Variants in DGKD observed in about 807,000 individuals in gnomAD.
DGKD encodes diacylglycerol kinase delta, also known as DAG kinase delta.
Under a neutral mutation model 154.4 loss-of-function variants are expected in DGKD, and 68 were observed. The ratio of observed to expected loss-of-function variants is 0.44; its 90% CI spans 0.36 to 0.54. The LOEUF (loss-of-function observed/expected upper bound fraction) is 0.54. DGKD is among the 20% of genes least tolerant of loss of function. The probability of loss-of-function intolerance (pLI) is 0.00; values close to 1 mark genes in which losing one functional copy is unlikely to be tolerated. For synonymous variants in DGKD, 693 were observed against 638.0 expected (o/e 1.09, Z -1.30); for missense variants, 1,343 against 1,593.6 (o/e 0.84, Z 2.68).
intron 1 of DGKD, among the ~76,000 whole-genome samples, chr2:233,374,996 G>C (rs985463528): frequency 2.9e-4 from 44 of 152,118 alleles, no homozygotes; most frequent in African/African-American, 1.0e-3. Context: ...TTACACACTT[G>C]AAAACAGATG....
chr2:233,464,716 C>G (rs1292251911), intron 27 of DGKD, among the ~76,000 whole-genome samples: 1 of 152,234 alleles, frequency 6.6e-6, no homozygotes, highest in Non-Finnish European at 1.5e-5. Context: ...CAGAAAGACT[C>G]CAGCTCGTCG....
intron 1 of DGKD, among the ~76,000 whole-genome samples, chr2:233,367,553 A>G (rs1411540264): frequency 6.6e-6 from 1 of 151,854 alleles, no homozygotes; most frequent in Non-Finnish European, 1.5e-5. Context: ...TAATGGCAAA[A>G]ACCTCCATTA....
intron 2 of DGKD, chr2:233,388,571 T>G (rs1377385310): frequency 2.1e-6 from 1 of 478,982 alleles, no homozygotes; most frequent in African/African-American, 2.0e-5. Context: ...TTCTGTTCAT[T>G]TTCCTTTTCT....
rs1448291715 is a variant in DGKD at position 233,445,582 on chromosome 2, C to G, written c.1195-41C>G. On this transcript the variant is annotated intron_variant, in intron 10 of 29. Transcript: ENST00000264057. This position sits in a 1 kb window ranked among gnomAD's most constrained non-coding sequence, Gnocchi z 5.5. ...TGCGGGCTGGGAAGTGGCCCCTGCC[C>G]CCAGGTGTTTGCCTGCGCATCGTCC... is the stretch of plus-strand genomic sequence containing the variant. The G allele has an allele frequency of 1.9e-6, 3 of 1,557,840 alleles. No individual in the cohort carries two copies. The highest frequency in any genetic ancestry group is 1.2e-5 in the South Asian group (1 of 81,928).
chr2:233,402,427 G>A (rs2061582925), intron 3 of DGKD, among the ~76,000 whole-genome samples: 1 of 152,214 alleles, frequency 6.6e-6, no homozygotes, highest in African/African-American at 2.4e-5. Context: ...CAAGGCCATG[G>A]AGTGTCTTGG....
chr2:233,462,694 C>A lies in DGKD; in HGVS notation c.3145C>A (p.Arg1049Ser), dbSNP rs567484190. 2 of 1,614,092 alleles carry A rather than the reference C, an allele frequency of 1.2e-6. No homozygotes were observed. Among genetic ancestry groups the A allele is most frequent in the South Asian group, 2.2e-5 (2 of 91,090 alleles). The change falls in exon 26 of 30, where the codon CGC (arginine) becomes AGC (serine). Residue 1049 changes from arginine to serine, a missense_variant. This residue lies in a region of DGKD where 429 missense variants were observed against 496.3 expected (regional missense o/e 0.86). Coordinates refer to ENST00000264057, the MANE Select transcript of DGKD (RefSeq NM_152879.3). ...LEMVNNFRALRSETELLLSGK... is the reference protein window; with the variant it reads ...LEMVNNFRALSSETELLLSGK... ...AATGGTGAATAACTTCAGAGCTCTG[C>A]GCAGTGAGACGGAGCTGCTGCTGTC...
At chr2:233,356,458 C>G (rs1701538619) in intron 1 of DGKD, among the ~76,000 whole-genome samples, 1 of 152,162 alleles carries the variant, frequency 6.6e-6, no homozygotes, top group Non-Finnish European at 1.5e-5. Flanking sequence ...GAGTTGCTTT[C>G]TCCTGTTGCC....
In DGKD at chr2:233,452,175, CT is replaced by C. The variant is rs1313759166; in HGVS notation, c.2264+116del. The C allele has an allele frequency of 1.0e-6, 1 of 977,946 alleles. No individual in the cohort carries two copies. Among genetic ancestry groups the C allele is most frequent in the Non-Finnish European group, 1.6e-6 (1 of 631,104 alleles). The allele number at this position is 977,946 out of a possible 1,614,324, so 60.6% of individuals were successfully genotyped here. On this transcript the variant is annotated intron_variant, in intron 18 of 29. Transcript: ENST00000264057. The surrounding 1 kb of genome is among the most constrained non-coding windows in gnomAD (Gnocchi z 4.0). The stretch of plus-strand genomic sequence containing the variant: ...TGAGCAGTTGCCCAGCTGGTGGTAG[CT>C]GATAAGGAAGGCTGAGAAGTCGTGG...
intron 1 of DGKD, among the ~76,000 whole-genome samples, chr2:233,385,769 T>C (rs558341200): frequency 6.6e-6 from 1 of 152,338 alleles, no homozygotes; most frequent in African/African-American, 2.4e-5. Context: ...TGTTTAAAAA[T>C]ATTCTGCAGC....
chr2:233,365,436 G>T (rs1444317917), intron 1 of DGKD, among the ~76,000 whole-genome samples: 1 of 151,972 alleles, frequency 6.6e-6, no homozygotes, highest in Non-Finnish European at 1.5e-5. Flanking sequence ...ATGGAGGGGG[G>T]GTCTCACCGT....
intron 3 of DGKD, 80 bp from the exon 4 acceptor site, chr2:233,434,300 G>A: frequency 9.6e-7 from 1 of 1,045,676 alleles, no homozygotes; most frequent in Non-Finnish European, 1.5e-6. Flanking sequence ...GTCTGTGTGA[G>A]GTCGGTTTTA....
At chr2:233,431,615 A>T (rs2062514664) in intron 3 of DGKD, among the ~76,000 whole-genome samples, 1 of 152,258 alleles carries the variant, frequency 6.6e-6, no homozygotes, top group South Asian at 2.1e-4. Context: ...TGGTACTGGC[A>T]TAAAAACAGA....
chr2:233,435,562 T>C (rs1326840260), intron 5 of DGKD, among the ~76,000 whole-genome samples: 3 of 152,238 alleles, frequency 2.0e-5, no homozygotes, highest in Non-Finnish European at 4.4e-5. Flanking sequence ...CGGAAGCTGG[T>C]TGCGACCTGC....
At chr2:233,381,752 A>G (rs1479156131) in intron 1 of DGKD, among the ~76,000 whole-genome samples, 1 of 152,212 alleles carries the variant, frequency 6.6e-6, no homozygotes, top group African/African-American at 2.4e-5. Context: ...TAGAGATAGA[A>G]TTGGAGAGGC....
chr2:233,450,060 A>G lies in DGKD; in HGVS notation c.1967A>G (p.Asp656Gly). ...CTCTCTGAGTCAGAGGAGAAGATGG[A>G]CCACAGAGTGTGCCCACCACTGTCC... is the stretch of plus-strand genomic sequence containing the variant. ...LGLSESEEKM[D>G]HRVCPPLSHS... Residue 656 changes from aspartate (D) to glycine (G), a missense_variant, in exon 16 of 30, where the codon GAC (aspartate) becomes GGC (glycine). By Grantham distance (94) the Asp-to-Gly change is moderately conservative. Around this residue, in one of 6 missense-constraint regions of DGKD, gnomAD observed 409 missense variants for 446.0 expected, o/e 0.92. Transcript: ENST00000264057. The G allele has an allele frequency of 6.2e-7, 1 of 1,613,994 alleles. No homozygotes were observed.
At position 233,434,565 on chromosome 2, in the gene DGKD, G is replaced by A. The variant is rs185286224; in HGVS notation, c.453+81G>A. 1.2e-4 allele frequency: 167 copies of A among 1,448,742 alleles called. No homozygotes were observed. In the East Asian group the frequency reaches 3.4e-3, roughly 29 times the overall value. 89.7% of individuals were successfully genotyped at this position (1,448,742 alleles called of 1,614,324 possible). ...TGTCTGCTGTCTGAGTGTCTCCCAC[G>A]TGCGGACCCACAGTCTGGAGCTCAC... On this transcript the variant is annotated intron_variant, in intron 4 of 29. Transcript: ENST00000264057.
At chr2:233,461,728 C>T (rs6431435) in intron 24 of DGKD, among the ~76,000 whole-genome samples, 46,022 of 152,258 alleles carry the variant, frequency 0.3, 9,827 homozygotes, top group African/African-American at 0.61. Flanking sequence ...CTGCTGGCAG[C>T]GGCCTGTTTC....
intron 1 of DGKD, among the ~76,000 whole-genome samples, chr2:233,356,534 G>A (rs1701541097): frequency 6.6e-6 from 1 of 152,232 alleles, no homozygotes; most frequent in Non-Finnish European, 1.5e-5. Flanking sequence ...GATCAAGATT[G>A]TGTTGAGAGA....
At chr2:233,425,165 A>G (rs1406070787) in intron 3 of DGKD, among the ~76,000 whole-genome samples, 2 of 151,924 alleles carry the variant, frequency 1.3e-5, no homozygotes, top group African/African-American at 4.8e-5. Flanking sequence ...TCCTTAACAT[A>G]TAAACGTAAG....
Sources: allele counts gnomAD v4.1 joint callset (sites outside exome capture counted in the v4.1 genomes callset), GRCh38; gene constraint gnomAD v4.1.1; regional missense constraint gnomAD v4.1.1; non-coding constraint Gnocchi (gnomAD v3.1); transcripts MANE v1.5; gene names NCBI Gene and HGNC (gene_info 2026-07-23, HGNC 2026-07-21).